Variants in IGSF21 observed in about 807,000 individuals in gnomAD.
IGSF21 encodes the protein immunoglobulin superfamily member 21.
Under a neutral mutation model 46.8 loss-of-function variants are expected in IGSF21, and 28 were observed. The ratio of observed to expected loss-of-function variants is 0.60; its 90% CI spans 0.44 to 0.82. The LOEUF (loss-of-function observed/expected upper bound fraction) is 0.82, where lower values mean the gene tolerates loss of function less well. Ranked by LOEUF, IGSF21 falls within the 40% of genes least tolerant of loss-of-function variation. IGSF21 has a pLI of 0.00. For missense variants in IGSF21, 624 were observed against 665.5 expected (o/e 0.94, Z 0.69); for synonymous variants, 284 against 273.6 (o/e 1.04, Z -0.38).
chr1:18,265,399 T>C, intron 2 of IGSF21, among the ~76,000 whole-genome samples: 1 of 152,208 alleles, frequency 6.6e-6, no homozygotes, highest in Admixed American at 6.5e-5. Context: ...CTAGTGTTAA[T>C]GTCAGGCAAA....
In IGSF21 at chr1:18,376,886, G is replaced by A; in HGVS notation, c.1188G>A (p.Glu396=). Residue 396 remains glutamate, a synonymous_variant, in exon 8 of 10, where the codon GAG becomes GAA. Transcript: ENST00000251296. ...GCAGCGCTGAGTTCGACGGGAAGGA[G>A]CTGGTGCTGGAGCGGGTTCCCGCCG... ...LDGSAEFDGK[E]LVLERVPAEL... 1 of 1,613,046 alleles carries A rather than the reference G, an allele frequency of 6.2e-7. No individual in the cohort carries two copies. Among genetic ancestry groups the A allele is most frequent in the Non-Finnish European group, 8.5e-7 (1 of 1,179,110 alleles).
intron 2 of IGSF21, among the ~76,000 whole-genome samples, chr1:18,273,504 C>CTTTCTTTCTTTCTT (rs2085070859): frequency 3.2e-5 from 2 of 62,856 alleles, no homozygotes; most frequent in South Asian, 1.3e-3. Flanking sequence ...TTCTTTCTTT[C>CTTTCTTTCTTTCTT]TTTCTTTCTT....
At chr1:18,280,995 G>A (rs879508918) in intron 2 of IGSF21, among the ~76,000 whole-genome samples, 4 of 152,158 alleles carry the variant, frequency 2.6e-5, no homozygotes, top group Non-Finnish European at 5.9e-5. Context: ...GCTGCTGAGC[G>A]AGCACCTGCT....
intron 3 of IGSF21, among the ~76,000 whole-genome samples, chr1:18,332,645 A>T (rs1449976937): frequency 6.6e-6 from 1 of 152,108 alleles, no homozygotes; most frequent in Non-Finnish European, 1.5e-5. Flanking sequence ...TGCTGTTCCC[A>T]TGTCACTGCG....
intron 2 of IGSF21, among the ~76,000 whole-genome samples, chr1:18,289,120 G>C (rs930520746): frequency 1.3e-5 from 2 of 152,106 alleles, no homozygotes; most frequent in African/African-American, 4.8e-5. Flanking sequence ...AATTTGAGGA[G>C]ACAGTTTTAC....
chr1:18,265,379 G>T (rs2084980631), intron 2 of IGSF21, among the ~76,000 whole-genome samples: 1 of 152,192 alleles, frequency 6.6e-6, no homozygotes, highest in Non-Finnish European at 1.5e-5. Flanking sequence ...TCGGGATGGT[G>T]GTTGTGGAAC....
At chr1:18,200,812 G>T (rs2087065488) in intron 1 of IGSF21, among the ~76,000 whole-genome samples, 1 of 152,126 alleles carries the variant, frequency 6.6e-6, no homozygotes, top group South Asian at 2.1e-4. Context: ...GTTGCCCTTG[G>T]ATCAGCCTCT....
At chr1:18,276,884 G>A (rs2085107576) in intron 2 of IGSF21, among the ~76,000 whole-genome samples, 1 of 152,200 alleles carries the variant, frequency 6.6e-6, no homozygotes, top group Non-Finnish European at 1.5e-5. Flanking sequence ...CATGGGACCA[G>A]TCAGATGGGC....
At chr1:18,174,684 C>T (rs1054348044) in intron 1 of IGSF21, among the ~76,000 whole-genome samples, 1 of 152,244 alleles carries the variant, frequency 6.6e-6, no homozygotes, top group South Asian at 2.1e-4. Context: ...CCTTCTCCCC[C>T]CAGGGAAGGA....
intron 1 of IGSF21, among the ~76,000 whole-genome samples, chr1:18,193,741 CT>C (rs1432050081): frequency 6.6e-6 from 1 of 152,190 alleles, no homozygotes; most frequent in Non-Finnish European, 1.5e-5. Flanking sequence ...AGGATTAATA[CT>C]TTGCATCCTA....
chr1:18,212,039 G>T (rs780170619), intron 1 of IGSF21, among the ~76,000 whole-genome samples: 2 of 152,244 alleles, frequency 1.3e-5, no homozygotes, highest in Non-Finnish European at 2.9e-5. Flanking sequence ...AGGCAGGCTT[G>T]CTGGGAGCAG....
chr1:18,305,604 A>ATG (rs1553162276), intron 3 of IGSF21, among the ~76,000 whole-genome samples: 44 of 144,280 alleles, frequency 3.0e-4, no homozygotes, highest in African/African-American at 7.8e-4. Flanking sequence ...GATGATGGAT[A>ATG]GATGGATGGA....
chr1:18,358,603 C>A (rs2124626860), intron 4 of IGSF21, among the ~76,000 whole-genome samples: 1 of 152,354 alleles, frequency 6.6e-6, no homozygotes, highest in East Asian at 1.9e-4. Flanking sequence ...TTTATTCTCC[C>A]AGTCCTTAGC....
intron 1 of IGSF21, among the ~76,000 whole-genome samples, chr1:18,214,843 A>G (rs899559846): frequency 6.6e-6 from 1 of 152,170 alleles, no homozygotes; most frequent in African/African-American, 2.4e-5. Context: ...CCCGGGTTCA[A>G]GCAATTCTCC....
chr1:18,333,836 C>G (rs911390942), intron 3 of IGSF21, among the ~76,000 whole-genome samples: 1 of 152,170 alleles, frequency 6.6e-6, no homozygotes, highest in Non-Finnish European at 1.5e-5. Flanking sequence ...TCTAGCTCAT[C>G]GCCTATTTTT....
At chr1:18,294,016 C>T (rs1341901455) in intron 3 of IGSF21, among the ~76,000 whole-genome samples, 1 of 149,606 alleles carries the variant, frequency 6.7e-6, no homozygotes, top group Non-Finnish European at 1.5e-5. Flanking sequence ...GAGCCTTAAC[C>T]TCTCTCTCTC....
intron 1 of IGSF21, among the ~76,000 whole-genome samples, chr1:18,128,235 T>G (rs2086289870): frequency 1.3e-5 from 2 of 152,188 alleles, no homozygotes; most frequent in Non-Finnish European, 2.9e-5. Context: ...ATAAATAACC[T>G]ACTTCTGGCT....
chr1:18,377,321 T>C, intron 8 of IGSF21, 72 bp from the exon 9 acceptor site: 1 of 1,339,856 alleles, frequency 7.5e-7, no homozygotes, highest in Non-Finnish European at 1.1e-6. Context: ...AGGTGCTGGG[T>C]AAAGGGCCAT....
intron 1 of IGSF21, among the ~76,000 whole-genome samples, chr1:18,211,581 G>C (rs549637307): frequency 6.6e-6 from 1 of 152,160 alleles, no homozygotes; most frequent in Non-Finnish European, 1.5e-5. Context: ...TAGCTTCTGA[G>C]CCCAGCAATT....
Sources: gnomAD v4.1 joint callset for allele counts (sites outside exome capture counted in the v4.1 genomes callset) on GRCh38, gnomAD v4.1.1 for gene constraint, MANE v1.5 for transcripts, NCBI Gene and HGNC (gene_info 2026-07-23, HGNC 2026-07-21) for gene names.